Variants in CELF2 observed in about 807,000 individuals in gnomAD.
The protein encoded by CELF2 is CUGBP Elav-like family member 2.
CELF2 carries 8 observed loss-of-function variants against 62.6 expected under a neutral mutation model. The ratio of observed to expected loss-of-function variants is 0.13; its 90% confidence interval spans 0.07 to 0.23. CELF2 has a LOEUF of 0.23. Ranked by LOEUF, CELF2 falls within the 10% of genes least tolerant of loss-of-function variation. CELF2 has a pLI of 1.00. For synonymous variants in CELF2, 258 were observed against 250.0 expected (o/e 1.03, Z -0.30); for missense variants, 333 against 671.0 (o/e 0.50, Z 5.56).
At chr10:11,327,568 A>G (rs2095818559) in intron 12 of CELF2, among the ~76,000 whole-genome samples, 1 of 152,148 alleles carries the variant, frequency 6.6e-6, no homozygotes, top group South Asian at 2.1e-4. Flanking sequence ...CCTAGTTCTT[A>G]GCCAGGTTTT....
At chr10:11,119,861 G>GCCCCCCC (rs753268131) in intron 1 of CELF2, among the ~76,000 whole-genome samples, 2 of 102,952 alleles carry the variant, frequency 1.9e-5, no homozygotes, top group Middle Eastern at 5.0e-3. Flanking sequence ...GCTTGATTCC[G>GCCCCCCC]CCTCCCCCCC....
At chr10:10,735,707 G>T in the CELF2 span, among the ~76,000 whole-genome samples, 6 of 152,158 alleles carry the variant, frequency 3.9e-5, no homozygotes, top group African/African-American at 1.2e-4. Flanking sequence ...TGCTGTAAAA[G>T]AGACCCATTT....
chr10:11,243,910 A>G lies in CELF2; in HGVS notation c.355-5243A>G, dbSNP rs2074791689. On this transcript the variant is annotated intron_variant, in intron 3 of 12. Transcript: ENST00000633077. This position sits in a 1 kb window ranked among gnomAD's most constrained non-coding sequence, Gnocchi z 4.1. ...AAGATCGTGTACTCCCTTGTCATAG[A>G]CAGAGGAAGGAGGTGGCCCCTGGGA... 6.6e-6 allele frequency among the ~76,000 whole-genome samples: 1 copy of G among 152,212 alleles called. No individual in the cohort carries two copies. Among genetic ancestry groups the G allele is most frequent in the South Asian group, 2.1e-4 (1 of 4,832 alleles).
At chr10:10,804,915 C>G (rs2055055124) in intron 1 of CELF2, among the ~76,000 whole-genome samples, 1 of 151,770 alleles carries the variant, frequency 6.6e-6, no homozygotes, top group Non-Finnish European at 1.5e-5. Context: ...TGTGTGGATA[C>G]CCTTCGGTTC....
the CELF2 span, among the ~76,000 whole-genome samples, chr10:10,708,378 C>T: frequency 6.6e-6 from 1 of 152,176 alleles, no homozygotes; most frequent in East Asian, 1.9e-4. Flanking sequence ...GACATTAGTA[C>T]TCTTTCTGGT....
intron 2 of CELF2, among the ~76,000 whole-genome samples, chr10:11,189,253 A>C (rs930413150): frequency 6.6e-6 from 1 of 152,148 alleles, no homozygotes; most frequent in African/African-American, 2.4e-5. Context: ...GATACTCAAG[A>C]GGGACCTCTG....
At chr10:11,124,188 C>G (rs889965709) in intron 1 of CELF2, among the ~76,000 whole-genome samples, 2 of 152,140 alleles carry the variant, frequency 1.3e-5, no homozygotes, top group African/African-American at 4.8e-5. Flanking sequence ...CATTACAATT[C>G]AAGGTGAGAT....
At chr10:11,127,774 G>C (rs1385616481) in intron 1 of CELF2, among the ~76,000 whole-genome samples, 1 of 152,082 alleles carries the variant, frequency 6.6e-6, no homozygotes, top group Non-Finnish European at 1.5e-5. Flanking sequence ...CTAGATTCTG[G>C]ATATTAGCCC....
At chr10:11,071,945 G>A (rs921251925) in intron 1 of CELF2, among the ~76,000 whole-genome samples, 3 of 152,182 alleles carry the variant, frequency 2.0e-5, no homozygotes, top group African/African-American at 7.2e-5. Context: ...GTCATAATCA[G>A]CATTGTGACC....
At chr10:10,904,143 C>T (rs1444919662) in intron 1 of CELF2, among the ~76,000 whole-genome samples, 3 of 152,302 alleles carry the variant, frequency 2.0e-5, no homozygotes, top group African/African-American at 7.2e-5. Flanking sequence ...TATTTTTAAA[C>T]ACAAACATCC....
intron 2 of CELF2, among the ~76,000 whole-genome samples, chr10:11,202,554 T>C (rs763930040): frequency 5.9e-5 from 9 of 152,200 alleles, no homozygotes; most frequent in Non-Finnish European, 1.3e-4. Flanking sequence ...TGGAATGTGC[T>C]CAGGGAATCA....
At chr10:10,835,659 A>C (rs1430466548) in intron 1 of CELF2, among the ~76,000 whole-genome samples, 1 of 152,174 alleles carries the variant, frequency 6.6e-6, no homozygotes, top group African/African-American at 2.4e-5. Context: ...CTGGGATTAC[A>C]GGTGTGAGCC....
At chr10:10,705,962 ACCCTGGTCTTCCTTCACTCAC>A in the CELF2 span, among the ~76,000 whole-genome samples, 1 of 152,166 alleles carries the variant, frequency 6.6e-6, no homozygotes, top group Admixed American at 6.5e-5. Flanking sequence ...CCCAGCCTCC[ACCCTGGTCTTCCTTCACTCAC>A]TGGTGCCACA....
chr10:10,860,224 C>T (rs927820296), intron 1 of CELF2, among the ~76,000 whole-genome samples: 4 of 152,130 alleles, frequency 2.6e-5, no homozygotes, highest in African/African-American at 9.7e-5. Context: ...TATCTCACAC[C>T]ATCCAGCCTC....
At chr10:11,174,355 A>G (rs1017453380) in intron 2 of CELF2, among the ~76,000 whole-genome samples, 3 of 152,224 alleles carry the variant, frequency 2.0e-5, no homozygotes, top group Non-Finnish European at 2.9e-5. Context: ...GGTAAAGCCA[A>G]TGGGTCAGAC....
intron 1 of CELF2, among the ~76,000 whole-genome samples, chr10:10,818,870 G>T (rs1463070938): frequency 6.6e-6 from 1 of 152,168 alleles, no homozygotes; most frequent in Non-Finnish European, 1.5e-5. Flanking sequence ...GAGCCACCAT[G>T]CCCAGACAGC....
At chr10:10,590,898 G>A in the CELF2 span, among the ~76,000 whole-genome samples, 1 of 151,990 alleles carries the variant, frequency 6.6e-6, no homozygotes, top group Non-Finnish European at 1.5e-5. Context: ...TTCCTCCAGG[G>A]CAAAATGCAT....
intron 1 of CELF2, among the ~76,000 whole-genome samples, chr10:10,867,235 G>A (rs1322624551): frequency 6.6e-6 from 1 of 152,160 alleles, no homozygotes; most frequent in African/African-American, 2.4e-5. Flanking sequence ...GGAAAAAGGT[G>A]CACAGTGGGC....
chr10:11,026,103 G>C (rs139756930), intron 1 of CELF2, among the ~76,000 whole-genome samples: 1 of 152,188 alleles, frequency 6.6e-6, no homozygotes, highest in South Asian at 2.1e-4. Flanking sequence ...GGACAGTTGG[G>C]CCTCCACGGA....
Sources: gnomAD v4.1 joint callset for allele counts (sites outside exome capture counted in the v4.1 genomes callset) on GRCh38, gnomAD v4.1.1 for gene constraint, Gnocchi (gnomAD v3.1) non-coding constraint, MANE v1.5 for transcripts, NCBI Gene and HGNC (gene_info 2026-07-23, HGNC 2026-07-21) for gene names.